The following SATB2 variants were observed in gnomAD, a reference collection of about 807,000 sequenced individuals.
SATB2 encodes the protein DNA-binding protein SATB2.
Under a neutral mutation model 73.4 loss-of-function variants are expected in SATB2, and 1 was observed. That is an observed-to-expected ratio of 0.01 (90% CI 0.00 to 0.06). The LOEUF is 0.06. SATB2 is among the 10% of genes least tolerant of loss of function. The pLI, the probability that SATB2 is intolerant of heterozygous loss-of-function variation, is 1.00. For synonymous variants in SATB2, 397 were observed against 367.0 expected (o/e 1.08, Z -0.93); for missense variants, 459 against 945.8 (o/e 0.49, Z 6.75).
intron 3 of SATB2, among the ~76,000 whole-genome samples, chr2:199,413,140 TCTC>T (rs1690873108): frequency 1.3e-5 from 2 of 152,210 alleles, no homozygotes; most frequent in Admixed American, 1.3e-4. Context: ...ATGTATATCT[TCTC>T]ATAATCTATA....
chr2:199,438,996 C>A (rs1245996797), intron 2 of SATB2, among the ~76,000 whole-genome samples: 2 of 152,246 alleles, frequency 1.3e-5, no homozygotes, highest in African/African-American at 2.4e-5. Flanking sequence ...CCATTGAAAT[C>A]TAAGGGCTTG....
At chr2:199,274,841 G>GT (rs1692262902) in intron 10 of SATB2, among the ~76,000 whole-genome samples, 1 of 151,266 alleles carries the variant, frequency 6.6e-6, no homozygotes, top group Admixed American at 6.6e-5. Flanking sequence ...GGGATGGGGG[G>GT]TGGGGGGACT....
intron 5 of SATB2, among the ~76,000 whole-genome samples, chr2:199,377,070 A>G (rs890839572): frequency 2.7e-4 from 41 of 152,220 alleles, no homozygotes; most frequent in African/African-American, 8.4e-4. Context: ...ATTTTATGCC[A>G]TTTTAAAAAT....
At chr2:199,416,918 C>T (rs971642379) in intron 3 of SATB2, among the ~76,000 whole-genome samples, 24 of 151,920 alleles carry the variant, frequency 1.6e-4, no homozygotes, top group African/African-American at 5.8e-4. Flanking sequence ...TGCCTGTGGT[C>T]CCAGCTACTC....
intron 10 of SATB2, among the ~76,000 whole-genome samples, chr2:199,273,769 A>G (rs1327258082): frequency 1.3e-5 from 2 of 152,130 alleles, no homozygotes; most frequent in Non-Finnish European, 2.9e-5. Flanking sequence ...TTGTAATTTA[A>G]ATAATTTTTC....
upstream of SATB2, among the ~76,000 whole-genome samples, chr2:199,459,333 C>T (rs1444476729): frequency 3.9e-5 from 6 of 152,142 alleles, no homozygotes; most frequent in East Asian, 1.2e-3. The surrounding 1 kb of genome is among the most constrained non-coding windows in gnomAD (Gnocchi z 4.2). Context: ...CGGCCGCGGC[C>T]GCCGGCAGCC....
At chr2:199,438,456 G>A (rs549231032) in intron 2 of SATB2, among the ~76,000 whole-genome samples, 9 of 152,266 alleles carry the variant, frequency 5.9e-5, no homozygotes, top group South Asian at 2.1e-4. Flanking sequence ...AAAATCCAAC[G>A]TGTTACCTTC....
chr2:199,374,024 T>G (rs1689525191), intron 5 of SATB2, among the ~76,000 whole-genome samples: 1 of 152,210 alleles, frequency 6.6e-6, no homozygotes, highest in Non-Finnish European at 1.5e-5. Flanking sequence ...GGCTGCTTGA[T>G]TTCACTACTC....
At chr2:199,284,419 T>C (rs922549208) in intron 10 of SATB2, among the ~76,000 whole-genome samples, 7 of 152,204 alleles carry the variant, frequency 4.6e-5, no homozygotes, top group Non-Finnish European at 8.8e-5. Flanking sequence ...CTACCACTTG[T>C]AGAATGTTGC....
rs532979872 is a variant in SATB2, at chr2:199,426,739, A to G, written c.346+6599T>C. On this transcript the variant is annotated intron_variant, in intron 3 of 10. Transcript: ENST00000417098. The stretch of plus-strand genomic sequence containing the variant: ...AAAGAAAAGAAAAAGAAAGAAAGAA[A>G]AAGAAAAAAAGGTGAATTTCTGAAT... 9.5e-4 allele frequency among the ~76,000 whole-genome samples: 145 copies of G among 151,984 alleles called. 1 individual carries two copies. The highest frequency in any genetic ancestry group is 1.0e-3 in the Non-Finnish European group (69 of 67,976).
rs557526584 is a variant in SATB2 at position 199,456,316 on chromosome 2, G to T, written c.-59-220C>A. On this transcript the variant is annotated intron_variant, in intron 1 of 10. Coordinates refer to ENST00000417098, the MANE Select transcript of SATB2 (RefSeq NM_001172509.2). ...CTCGGTTCGGCGACTCTGCCCAGTC[G>T]CAGCTCCCCAGAAGTCAGCCCTCGG... Among the ~76,000 whole-genome samples the T allele has an allele frequency of 2.6e-5, 4 of 152,228 alleles. No individual in the cohort carries two copies. The South Asian group carries it at 8.3e-4, about 32-fold the overall frequency.
rs778660613 is a variant in SATB2, at chr2:199,455,888, G to C, written c.150C>G (p.Ala50=). 56 of 1,537,394 alleles carry C rather than the reference G, an allele frequency of 3.6e-5. No homozygotes were observed. The highest frequency in any genetic ancestry group is 2.2e-4 in the Middle Eastern group (1 of 4,596). ...PMGARGRPNG[A]VAKAVGGLMI... is the part of the protein sequence containing the mutation. Reference sequence around the variant, plus strand: ...TGTTACCTCCCACGGCCTTGGCCACGGCGCCGTTGGGCCTCCCGCGGGCTC... The same window carrying C: ...TGTTACCTCCCACGGCCTTGGCCACCGCGCCGTTGGGCCTCCCGCGGGCTC... Residue 50 remains alanine (A), a synonymous_variant, in exon 2 of 11, where the codon GCC becomes GCG. Transcript: ENST00000417098. This position sits in a 1 kb window ranked among gnomAD's most constrained non-coding sequence, Gnocchi z 4.1.
At chr2:199,356,082 A>G (rs1302932512) in intron 6 of SATB2, among the ~76,000 whole-genome samples, 3 of 152,118 alleles carry the variant, frequency 2.0e-5, no homozygotes, top group African/African-American at 7.2e-5. Flanking sequence ...TCTCTGGCCT[A>G]TGGATTTTTC....
At chr2:199,466,065 G>A (rs1271830199), upstream of SATB2, among the ~76,000 whole-genome samples, 1 of 152,114 alleles carries the variant, frequency 6.6e-6, no homozygotes. Flanking sequence ...AGTTCGTCTC[G>A]TTTTATGCTG....
chr2:199,355,705 T>C (rs943703244), intron 6 of SATB2, among the ~76,000 whole-genome samples: 4 of 152,120 alleles, frequency 2.6e-5, no homozygotes, highest in Non-Finnish European at 5.9e-5. Flanking sequence ...CCAGGTTACT[T>C]ATCTAAGAGC....
At chr2:199,318,233 C>A (rs1383395185) in intron 9 of SATB2, among the ~76,000 whole-genome samples, 2 of 152,026 alleles carry the variant, frequency 1.3e-5, no homozygotes, top group African/African-American at 4.8e-5. Flanking sequence ...GAGCTCAGGT[C>A]AGCAACATGT....
intron 5 of SATB2, among the ~76,000 whole-genome samples, chr2:199,379,682 CTTTTTTTTTTT>C (rs71015899): frequency 9.2e-6 from 1 of 108,264 alleles, no homozygotes; most frequent in Non-Finnish European, 1.9e-5. Flanking sequence ...CTTTTCTTTT[CTTTTTTTTTTT>C]TTTTTTTTTA....
At chr2:199,296,692 C>G (rs1244810672) in intron 10 of SATB2, among the ~76,000 whole-genome samples, 1 of 148,392 alleles carries the variant, frequency 6.7e-6, no homozygotes, top group Non-Finnish European at 1.5e-5. Context: ...AGAGTAAGAC[C>G]CTGTCTCAAA....
intron 6 of SATB2, among the ~76,000 whole-genome samples, chr2:199,354,222 G>A (rs1364364825): frequency 6.6e-6 from 1 of 152,096 alleles, no homozygotes; most frequent in Non-Finnish European, 1.5e-5. Context: ...CAGGTGTGGT[G>A]GCTCATGCCT....
Sources: gnomAD v4.1 joint callset for allele counts (sites outside exome capture counted in the v4.1 genomes callset) on GRCh38, gnomAD v4.1.1 for gene constraint, Gnocchi (gnomAD v3.1) non-coding constraint, MANE v1.5 for transcripts, NCBI Gene and HGNC (gene_info 2026-07-23, HGNC 2026-07-21) for gene names.